The following COG2 variants were observed in gnomAD, a reference collection of about 807,000 sequenced individuals.
COG2 encodes component of oligomeric golgi complex 2.
In COG2, 52 loss-of-function variants were observed where a neutral mutation model predicts 90.6. The ratio of observed to expected loss-of-function variants is 0.57; its 90% confidence interval spans 0.46 to 0.72. COG2 has a LOEUF of 0.72. Ranked by LOEUF, COG2 falls within the 30% of genes least tolerant of loss-of-function variation. The pLI, the probability that COG2 is intolerant of heterozygous loss-of-function variation, is 0.00. For missense variants in COG2, 829 were observed against 891.2 expected, an observed-to-expected ratio of 0.93 and a Z score of 0.89; for synonymous variants, 337 against 320.4, an observed-to-expected ratio of 1.05 and a Z score of -0.55.
At chr1:230,652,591 G>C (rs1167308995) in intron 1 of COG2, among the ~76,000 whole-genome samples, 2 of 152,170 alleles carry the variant, frequency 1.3e-5, no homozygotes, top group Non-Finnish European at 2.9e-5. Context: ...GCAAGACTCT[G>C]TTTAGTTTTG....
chr1:230,682,537 C>T (rs1662776413), intron 10 of COG2: 1 of 152,232 alleles, frequency 6.6e-6, no homozygotes, highest in African/African-American at 2.4e-5. Flanking sequence ...GGAAACCAGC[C>T]AGCTACAATG....
intron 4 of COG2, among the ~76,000 whole-genome samples, chr1:230,663,441 C>G (rs1277979535): frequency 2.0e-5 from 3 of 152,022 alleles, no homozygotes; most frequent in Non-Finnish European, 2.9e-5. Flanking sequence ...CTTTAGTACC[C>G]AAGCACACTT....
In COG2 at chr1:230,679,034, C is replaced by G; in HGVS notation, c.1148C>G (p.Pro383Arg). The change falls in exon 10 of 18, where the codon CCT becomes CGT. Residue 383 changes from proline (P) to arginine (R), a missense_variant. By Grantham distance (103) the Pro-to-Arg change is moderately radical. Transcript: ENST00000366669. ...YHSFNKKWNL[P>R]VYFQIRFREI... ...AGCTTCAATAAGAAGTGGAACTTGC[C>G]TGTTTATTTTCAAATAAGGTTGGTC... 2 of 1,612,584 alleles carry G rather than the reference C, an allele frequency of 1.2e-6. No individual in the cohort carries two copies. The highest frequency in any genetic ancestry group is 2.2e-5 in the South Asian group (2 of 91,014).
intron 12 of COG2, 76 bp from the exon 13 acceptor site, chr1:230,686,859 G>T: frequency 3.5e-6 from 3 of 859,724 alleles, no homozygotes; most frequent in Non-Finnish European, 5.2e-6. Context: ...AGTTATTGAC[G>T]CGCACATATG....
chr1:230,692,829 C>T (rs1291133493), intron 17 of COG2, among the ~76,000 whole-genome samples: 1 of 151,406 alleles, frequency 6.6e-6, no homozygotes, highest in Non-Finnish European at 1.5e-5. Context: ...CGTAGTGTGC[C>T]ATGTCTCGGT....
rs1046489327 is a variant in COG2, at chr1:230,693,472, CTG to C, written c.*81_*82del. On this transcript the variant is annotated 3_prime_UTR_variant, in exon 18 of 18. Coordinates refer to ENST00000366669, the MANE Select transcript of COG2 (RefSeq NM_007357.3). Reference sequence around the variant, plus strand: ...CCAGGCTGAAGGGGAGAAAGTGACTCTGTTCTCTTAGCAACCGTCTGTAGCAA... The same window carrying C: ...CCAGGCTGAAGGGGAGAAAGTGACTCTTCTCTTAGCAACCGTCTGTAGCAA... The C allele has an allele frequency of 1.1e-4, 92 of 869,418 alleles. No homozygotes were observed. The African/African-American group carries it at 1.3e-3, about 13-fold the overall frequency. 53.9% of individuals were successfully genotyped at this position (869,418 alleles called of 1,614,324 possible).
At position 230,663,046 on chromosome 1, in the gene COG2, G is replaced by A. The variant is rs1662223074; in HGVS notation, c.301-95G>A. 8.1e-6 allele frequency: 7 copies of A among 862,222 alleles called. No individual in the cohort carries two copies. The Admixed American group carries it at 1.4e-4, about 17-fold the overall frequency. 53.4% of individuals were successfully genotyped at this position (862,222 alleles called of 1,614,324 possible). A position where few individuals can be genotyped will look rare whatever the true frequency, so the allele number is the denominator to read the frequency against. ...GTCAATATCTGTGTAATACTGGCCTGTAGGTGTTAAGTCCTGTGGAATTGA... is the reference window on the plus strand; with the variant it reads ...GTCAATATCTGTGTAATACTGGCCTATAGGTGTTAAGTCCTGTGGAATTGA... On this transcript the variant is annotated intron_variant, in intron 3 of 17. Coordinates refer to ENST00000366669, the MANE Select transcript of COG2 (RefSeq NM_007357.3).
intron 1 of COG2, among the ~76,000 whole-genome samples, chr1:230,655,618 GA>G (rs1653691978): frequency 1.3e-5 from 2 of 152,214 alleles, no homozygotes; most frequent in African/African-American, 4.8e-5. Context: ...CTCATAAAAT[GA>G]ATTAGGGAAG....
At chr1:230,685,794 T>C (rs1571963108) in intron 12 of COG2, among the ~76,000 whole-genome samples, 1 of 152,344 alleles carries the variant, frequency 6.6e-6, no homozygotes, top group African/African-American at 2.4e-5. Context: ...GGTCCAGTCC[T>C]GTGCTGAGCA....
chr1:230,659,812 AAGAC>A (rs1662143329), intron 2 of COG2, among the ~76,000 whole-genome samples, 187 bp downstream of exon 2: 1 of 151,592 alleles, frequency 6.6e-6, no homozygotes, highest in Non-Finnish European at 1.5e-5. Context: ...TTTTTTACTT[AAGAC>A]TATTCTAAAT....
chr1:230,684,917 G>C (rs1662848171), intron 11 of COG2, among the ~76,000 whole-genome samples, 168 bp from the exon 12 acceptor site: 1 of 152,222 alleles, frequency 6.6e-6, no homozygotes, highest in African/African-American at 2.4e-5. Context: ...AACTTGGATT[G>C]TGGCCACTCG....
chr1:230,655,430 G>A (rs893041567), intron 1 of COG2, among the ~76,000 whole-genome samples: 1 of 152,216 alleles, frequency 6.6e-6, no homozygotes, highest in South Asian at 2.1e-4. Context: ...AACCAGCCTT[G>A]CGTTGCAGGG....
chr1:230,693,468 G>T lies in COG2; in HGVS notation c.*75G>T, dbSNP rs1663091404. 4 of 902,866 alleles carry T rather than the reference G, an allele frequency of 4.4e-6. No individual in the cohort carries two copies. The highest frequency in any genetic ancestry group is 7.0e-6 in the Non-Finnish European group (4 of 568,234). The allele number at this position is 902,866 out of a possible 1,614,324, so 55.9% of individuals were successfully genotyped here. ...ACTTCCAGGCTGAAGGGGAGAAAGT[G>T]ACTCTGTTCTCTTAGCAACCGTCTG... On this transcript the variant is annotated 3_prime_UTR_variant, in exon 18 of 18. Coordinates refer to ENST00000366669, the MANE Select transcript of COG2 (RefSeq NM_007357.3).
rs369325492 is a variant in COG2 at position 230,668,656 on chromosome 1, A to G, written c.486-20A>G. ...TAGAGACCTTAGGGGTTACACTTCT[A>G]TAACTGTTTTCTCTACTAGCCCCCT... On this transcript the variant is annotated intron_variant, in intron 5 of 17. Coordinates refer to ENST00000366669, the MANE Select transcript of COG2 (RefSeq NM_007357.3). 1.8e-5 allele frequency: 27 copies of G among 1,508,062 alleles called. No individual in the cohort carries two copies. Among genetic ancestry groups the G allele is most frequent in the African/African-American group, 8.3e-5 (6 of 72,580 alleles). 93.4% of individuals were successfully genotyped at this position (1,508,062 alleles called of 1,614,324 possible). A position where few individuals can be genotyped will look rare whatever the true frequency, so the allele number is the denominator to read the frequency against.
rs762226471 is a variant in COG2, at chr1:230,668,682, T to G, written c.492T>G (p.Leu164=). Residue 164 remains leucine (L), a synonymous_variant, in exon 6 of 18, where the codon CTT becomes CTG. Coordinates refer to ENST00000366669, the MANE Select transcript of COG2 (RefSeq NM_007357.3). ...TAACTGTTTTCTCTACTAGCCCCCT[T>G]TTGACTGGACAAATTTTGGAGAGAA... The part of the protein sequence containing the change: ...ETSALEASSP[L]LTGQILERIA... The G allele has an allele frequency of 1.9e-5, 31 of 1,609,790 alleles. No homozygotes were observed. In the East Asian group the frequency reaches 6.9e-4, roughly 36 times the overall value.
chr1:230,692,801 T>C (rs1663068139), intron 17 of COG2, among the ~76,000 whole-genome samples: 1 of 151,520 alleles, frequency 6.6e-6, no homozygotes, highest in Non-Finnish European at 1.5e-5. Context: ...TATTGTCGTT[T>C]TTAAACAAAA....
At chr1:230,660,545 A>G (rs1271665700) in intron 2 of COG2, among the ~76,000 whole-genome samples, 2 of 152,192 alleles carry the variant, frequency 1.3e-5, no homozygotes, top group East Asian at 3.8e-4. Context: ...TTATTTTTAT[A>G]GTTTTCATGT....
At chr1:230,644,517 C>T (rs566147767) in intron 1 of COG2, among the ~76,000 whole-genome samples, 32 of 152,318 alleles carry the variant, frequency 2.1e-4, no homozygotes, top group Non-Finnish European at 4.0e-4. Context: ...ATGACATTTG[C>T]ATTGGGAGAT....
rs556294965 is a variant in COG2, at chr1:230,655,267, G to A, written c.73-4197G>A. On this transcript the variant is annotated intron_variant, in intron 1 of 17. Coordinates refer to ENST00000366669, the MANE Select transcript of COG2 (RefSeq NM_007357.3). The stretch of plus-strand genomic sequence containing the variant: ...AATAGCTCTCATTATTTTGAGATAC[G>A]TTCCATCAGTACCTAGTTTATTGAG... Among the ~76,000 whole-genome samples the A allele has an allele frequency of 1.8e-4, 28 of 152,242 alleles. 1 individual carries two copies. The South Asian group carries it at 5.0e-3, about 27-fold the overall frequency.
Sources: allele counts gnomAD v4.1 joint callset (sites outside exome capture counted in the v4.1 genomes callset), GRCh38; gene constraint gnomAD v4.1.1; transcripts MANE v1.5; gene names NCBI Gene and HGNC (gene_info 2026-07-23, HGNC 2026-07-21).